The following CLASP2 variants were observed in gnomAD, a reference collection of about 807,000 sequenced individuals.
CLASP2 encodes the protein cytoplasmic linker associated protein 2.
CLASP2 carries 47 observed loss-of-function variants against 194.4 expected under a neutral mutation model. The ratio of observed to expected loss-of-function variants is 0.24; its 90% CI spans 0.19 to 0.31. The LOEUF (loss-of-function observed/expected upper bound fraction) is 0.31, where lower values mean the gene tolerates loss of function less well. Ranked by LOEUF, CLASP2 falls within the 10% of genes least tolerant of loss-of-function variation. The pLI, the probability that CLASP2 is intolerant of heterozygous loss-of-function variation, is 1.00. For missense variants in CLASP2, 1,445 were observed against 1,823.6 expected, an observed-to-expected ratio of 0.79 and a Z score of 3.78; for synonymous variants, 619 against 633.5, an observed-to-expected ratio of 0.98 and a Z score of 0.34.
intron 8 of CLASP2, among the ~76,000 whole-genome samples, chr3:33,644,231 A>G (rs867914772): frequency 6.6e-5 from 10 of 152,142 alleles, no homozygotes; most frequent in Non-Finnish European, 1.2e-4. Context: ...TTATTTTCCT[A>G]TTATGATTTA....
At chr3:33,663,035 T>C (rs1266460216) in intron 7 of CLASP2, among the ~76,000 whole-genome samples, 1 of 151,918 alleles carries the variant, frequency 6.6e-6, no homozygotes, top group Non-Finnish European at 1.5e-5. Context: ...TTATAGTCTG[T>C]ACACAGATAT....
chr3:33,501,825 TTTTAACAGGGTCAGAAGATGC>T, intron 37 of CLASP2, 57 bp from the exon 38 acceptor site: 1 of 1,049,934 alleles, frequency 9.5e-7, no homozygotes, highest in Non-Finnish European at 1.5e-6. Context: ...AGTACTCCCT[TTTTAACAGGGTCAGAAGATGC>T]AGCTGAAAGA....
intron 20 of CLASP2, 101 bp from the exon 21 acceptor site, chr3:33,592,597 G>A (rs1447714617): frequency 1.2e-6 from 1 of 867,526 alleles, no homozygotes; most frequent in Non-Finnish European, 1.9e-6. Flanking sequence ...GCCAAATTCT[G>A]TAATAATGTA....
At chr3:33,514,877 A>G (rs1170691516) in intron 36 of CLASP2, among the ~76,000 whole-genome samples, 2 of 151,846 alleles carry the variant, frequency 1.3e-5, no homozygotes, top group African/African-American at 4.9e-5. Flanking sequence ...ACACCATGGA[A>G]TACTACTCAG....
intron 19 of CLASP2, among the ~76,000 whole-genome samples, chr3:33,596,052 T>A (rs1157819695): frequency 1.3e-5 from 2 of 151,844 alleles, no homozygotes; most frequent in Non-Finnish European, 2.9e-5. Flanking sequence ...TTAAAAAAGG[T>A]CAAGCTCATA....
chr3:33,592,733 TA>T (rs1173473449), intron 20 of CLASP2: 15 of 543,196 alleles, frequency 2.8e-5, no homozygotes, highest in Non-Finnish European at 4.9e-5. Context: ...TTTACATTCT[TA>T]GTTTATATAT....
At chr3:33,576,798 T>C (rs552559267) in intron 23 of CLASP2, among the ~76,000 whole-genome samples, 51 of 152,290 alleles carry the variant, frequency 3.3e-4, no homozygotes, top group South Asian at 2.5e-3. Flanking sequence ...GTCTACTATG[T>C]GCCCGACATT....
intron 32 of CLASP2, among the ~76,000 whole-genome samples, chr3:33,540,674 G>T (rs1576149614): frequency 6.6e-6 from 1 of 152,178 alleles, no homozygotes; most frequent in South Asian, 2.1e-4. Flanking sequence ...TTTCTTAGAT[G>T]TTGATGTATT....
chr3:33,576,718 A>T (rs1235398543), intron 23 of CLASP2, among the ~76,000 whole-genome samples: 1 of 152,166 alleles, frequency 6.6e-6, no homozygotes, highest in Admixed American at 6.5e-5. Flanking sequence ...TCTAATTATT[A>T]TCTCCTCTCC....
At chr3:33,577,313 G>A (rs1213805624) in intron 23 of CLASP2, 2 of 1,456,266 alleles carry the variant, frequency 1.4e-6, no homozygotes, top group South Asian at 2.3e-5. Flanking sequence ...CAGAAACAAG[G>A]AATAGTGGCA....
intron 38 of CLASP2, among the ~76,000 whole-genome samples, chr3:33,501,281 G>A (rs2046789721): frequency 6.6e-6 from 1 of 152,162 alleles, no homozygotes. Flanking sequence ...GAGATATACA[G>A]TAATCCATTA....
At chr3:33,507,764 G>T (rs573524003) in intron 37 of CLASP2, among the ~76,000 whole-genome samples, 1 of 152,064 alleles carries the variant, frequency 6.6e-6, no homozygotes, top group African/African-American at 2.4e-5. Flanking sequence ...GTTTACAGGC[G>T]TGAGCCACCA....
At chr3:33,706,241 C>T (rs571495910) in intron 1 of CLASP2, among the ~76,000 whole-genome samples, 3 of 152,102 alleles carry the variant, frequency 2.0e-5, no homozygotes, top group South Asian at 4.1e-4. Context: ...GAGTGAGATC[C>T]TCTCCCAAAA....
At chr3:33,515,545 G>A (rs551232421) in intron 36 of CLASP2, among the ~76,000 whole-genome samples, 2 of 152,276 alleles carry the variant, frequency 1.3e-5, no homozygotes, top group African/African-American at 4.8e-5. Context: ...AGCTACTCGG[G>A]AAGCTGAGGT....
rs975611817 is a variant in CLASP2 at position 33,718,200 on chromosome 3, C to G, written c.-198G>C. 7 of 373,642 alleles carry G rather than the reference C, an allele frequency of 1.9e-5. No individual in the cohort carries two copies. The highest frequency in any genetic ancestry group is 1.3e-4 in the South Asian group (2 of 15,866). 23.1% of individuals were successfully genotyped at this position (373,642 alleles called of 1,614,324 possible). A position where few individuals can be genotyped will look rare whatever the true frequency, so the allele number is the denominator to read the frequency against. ...CCAAACTAGTCAAACTCGGCGCCCC[C>G]CGATCCCCAGCCCGCTTCAGAGGCC... On this transcript the variant is annotated 5_prime_UTR_variant, in exon 1 of 39. Transcript: ENST00000682230.
chr3:33,556,004 T>C (rs1207442800), intron 29 of CLASP2, among the ~76,000 whole-genome samples: 1 of 152,232 alleles, frequency 6.6e-6, no homozygotes, highest in Admixed American at 6.5e-5. Context: ...ACAGCAAACA[T>C]GCATTCTTTT....
chr3:33,651,382 C>CAAAAAAA (rs11317189), intron 7 of CLASP2, among the ~76,000 whole-genome samples: 1 of 90,274 alleles, frequency 1.1e-5, no homozygotes, highest in Non-Finnish European at 2.4e-5. Context: ...GATCCTGTCT[C>CAAAAAAA]AAAAAAAAAA....
intron 4 of CLASP2, among the ~76,000 whole-genome samples, chr3:33,687,714 T>G (rs780096006): frequency 4.6e-5 from 7 of 152,198 alleles, no homozygotes; most frequent in Non-Finnish European, 8.8e-5. Flanking sequence ...ATATGACCTA[T>G]GACATTGCAT....
intron 24 of CLASP2, among the ~76,000 whole-genome samples, chr3:33,573,763 GA>G (rs1250838294): frequency 6.6e-6 from 1 of 152,102 alleles, no homozygotes; most frequent in Non-Finnish European, 1.5e-5. Flanking sequence ...TAATGGATCA[GA>G]AAAACATTTT....
Sources: gnomAD v4.1 joint callset for allele counts (sites outside exome capture counted in the v4.1 genomes callset) on GRCh38, gnomAD v4.1.1 for gene constraint, MANE v1.5 for transcripts, NCBI Gene and HGNC (gene_info 2026-07-23, HGNC 2026-07-21) for gene names.